Variants in CRIM1 observed in about 807,000 individuals in gnomAD.
The protein encoded by CRIM1 is cysteine-rich motor neuron 1 protein.
In CRIM1, 32 loss-of-function variants were observed where a neutral mutation model predicts 116.4. The ratio of observed to expected loss-of-function variants is 0.27; its 90% CI spans 0.21 to 0.37. The LOEUF is 0.37. Ranked by LOEUF, CRIM1 falls within the 10% of genes least tolerant of loss-of-function variation. The probability of loss-of-function intolerance (pLI) is 1.00; values close to 1 mark genes in which losing one functional copy is unlikely to be tolerated. For missense variants in CRIM1, 1,331 were observed against 1,354.8 expected (o/e 0.98, Z 0.28); for synonymous variants, 590 against 509.2 (o/e 1.16, Z -2.13).
intron 13 of CRIM1, among the ~76,000 whole-genome samples, chr2:36,531,141 A>C (rs882842): frequency 0.044 from 6,769 of 152,270 alleles, 255 homozygotes; most frequent in African/African-American, 0.11. Context: ...CAGGACTCTA[A>C]ATAGTACGCA....
At chr2:36,481,993 G>A (rs922889206) in intron 7 of CRIM1, among the ~76,000 whole-genome samples, 8 of 152,152 alleles carry the variant, frequency 5.3e-5, no homozygotes, top group African/African-American at 7.2e-5. Context: ...CTGTCTCCTC[G>A]CAGTTTGAAG....
At chr2:36,548,308 C>T (rs1157703499) in intron 16 of CRIM1, among the ~76,000 whole-genome samples, 1 of 143,748 alleles carries the variant, frequency 7.0e-6, no homozygotes, top group African/African-American at 2.6e-5. Flanking sequence ...CCCTATTTGA[C>T]AGTTTCTTGA....
chr2:36,411,517 C>T (rs374978310), intron 2 of CRIM1, among the ~76,000 whole-genome samples: 4 of 151,980 alleles, frequency 2.6e-5, no homozygotes, highest in Admixed American at 1.3e-4. Context: ...CTTTATGTGC[C>T]GGAAGAACAT....
intron 8 of CRIM1, among the ~76,000 whole-genome samples, chr2:36,506,146 C>CAA (rs1681377913): frequency 1.8e-5 from 2 of 110,108 alleles, no homozygotes; most frequent in South Asian, 6.7e-4. Context: ...CACACACACA[C>CAA]ACACACACAC....
At chr2:36,464,692 T>C in intron 5 of CRIM1, 37 bp downstream of exon 5, 1 of 1,606,884 alleles carries the variant, frequency 6.2e-7, no homozygotes, top group African/African-American at 1.3e-5. Flanking sequence ...AGAGTGTACA[T>C]TTGTGCAGAG....
chr2:36,384,777 G>A (rs1207473036), intron 1 of CRIM1, among the ~76,000 whole-genome samples: 1 of 152,102 alleles, frequency 6.6e-6, no homozygotes, highest in African/African-American at 2.4e-5. Context: ...AGTGGATCAG[G>A]CCCTGTGTTG....
intron 8 of CRIM1, among the ~76,000 whole-genome samples, chr2:36,504,104 C>A (rs772244200): frequency 6.6e-6 from 1 of 152,064 alleles, no homozygotes; most frequent in Non-Finnish European, 1.5e-5. Context: ...GAACTCCTGG[C>A]GTCAAGCAAT....
Position 36,417,421 on chromosome 2 carries a change from T to A in CRIM1, c.505+20634T>A, listed in dbSNP as rs528409258. On this transcript the variant is annotated intron_variant, in intron 2 of 16. Transcript: ENST00000280527. ...AATTTAACAAAGCTAAGGTGGTTCATGGCAGTATTTGGGGCCTGAAATATG... is the reference window on the plus strand; with the variant it reads ...AATTTAACAAAGCTAAGGTGGTTCAAGGCAGTATTTGGGGCCTGAAATATG... Among the ~76,000 whole-genome samples the A allele has an allele frequency of 2.6e-5, 4 of 152,360 alleles. No individual in the cohort carries two copies. The South Asian group carries it at 8.3e-4, about 32-fold the overall frequency.
rs190315224 is a variant in CRIM1 at position 36,442,578 on chromosome 2, T to A, written c.749-37T>A. ...TAGGGACTCCAAAAGCAAGTAAATA[T>A]AACAATAAACGGTGCCTCTCTGTTT... On this transcript the variant is annotated intron_variant, in intron 3 of 16. Coordinates refer to ENST00000280527, the MANE Select transcript of CRIM1 (RefSeq NM_016441.3). 1.7e-5 allele frequency: 27 copies of A among 1,613,026 alleles called. No homozygotes were observed. The African/African-American group carries it at 2.9e-4, about 18-fold the overall frequency.
chr2:36,484,288 A>G (rs1679648156), intron 7 of CRIM1, among the ~76,000 whole-genome samples: 1 of 152,144 alleles, frequency 6.6e-6, no homozygotes, highest in South Asian at 2.1e-4. Flanking sequence ...TTACACGGGC[A>G]AGGATTTTTT....
At chr2:36,370,848 A>T (rs1295721910) in intron 1 of CRIM1, among the ~76,000 whole-genome samples, 1 of 152,198 alleles carries the variant, frequency 6.6e-6, no homozygotes, top group African/African-American at 2.4e-5. Context: ...TAATCTTAGT[A>T]TAATAAGCAT....
At chr2:36,456,501 A>G (rs1476142985) in intron 4 of CRIM1, among the ~76,000 whole-genome samples, 2 of 151,996 alleles carry the variant, frequency 1.3e-5, no homozygotes, top group Non-Finnish European at 2.9e-5. Context: ...TCCTTTTCCA[A>G]ACTAGTCCTT....
chr2:36,498,763 A>T (rs1680779166), intron 7 of CRIM1, among the ~76,000 whole-genome samples: 1 of 152,190 alleles, frequency 6.6e-6, no homozygotes, highest in Admixed American at 6.5e-5. Context: ...CTGATTTATT[A>T]ATTTGGAAAA....
rs1470944550 is a variant in CRIM1 at position 36,495,841 on chromosome 2, A to G, written c.1373-3378A>G. ...AGCAAACTCTCAAATATGTTTAACA[A>G]TAATGTGAGATTTTTTTCTAGATAA... On this transcript the variant is annotated intron_variant, in intron 7 of 16. Transcript: ENST00000280527. Among the ~76,000 whole-genome samples, 8 of 152,270 alleles carry G rather than the reference A, an allele frequency of 5.3e-5. No homozygotes were observed. The East Asian group carries it at 1.2e-3, about 22-fold the overall frequency.
intron 12 of CRIM1, among the ~76,000 whole-genome samples, chr2:36,519,235 G>A (rs1220137891): frequency 6.6e-6 from 1 of 152,168 alleles, no homozygotes; most frequent in Non-Finnish European, 1.5e-5. Context: ...AAGAGAAGGA[G>A]AGCTATGTGG....
intron 6 of CRIM1, among the ~76,000 whole-genome samples, chr2:36,477,408 T>C (rs1679067276): frequency 6.6e-6 from 1 of 152,194 alleles, no homozygotes; most frequent in African/African-American, 2.4e-5. Flanking sequence ...CACCCTGGCA[T>C]TAGAGCTCAC....
intron 4 of CRIM1, among the ~76,000 whole-genome samples, chr2:36,457,745 T>C (rs1677254252): frequency 6.6e-6 from 1 of 151,908 alleles, no homozygotes; most frequent in Non-Finnish European, 1.5e-5. Flanking sequence ...GGATATTTTA[T>C]TTGCAGCCTT....
chr2:36,485,667 G>T (rs1162337674), intron 7 of CRIM1, among the ~76,000 whole-genome samples: 1 of 152,108 alleles, frequency 6.6e-6, no homozygotes, highest in African/African-American at 2.4e-5. Context: ...TTTGTGGCAC[G>T]GAGTCAAACA....
At position 36,441,461 on chromosome 2, in the gene CRIM1, A is replaced by G. The variant is rs1175472365; in HGVS notation, c.709A>G (p.Lys237Glu). The G allele has an allele frequency of 6.2e-7, 1 of 1,613,270 alleles. No homozygotes were observed. The highest frequency in any genetic ancestry group is 1.7e-5 in the Admixed American group (1 of 60,020). The change falls in exon 3 of 17, where the codon AAG becomes GAG. Residue 237 changes from lysine to glutamate, a missense_variant. Coordinates refer to ENST00000280527, the MANE Select transcript of CRIM1 (RefSeq NM_016441.3). ...LNILVSKASG[K>E]PGECCDLYEC... ...CATACTAGTGTCAAAAGCCTCAGGG[A>G]AGCCGGGAGAGTGCTGTGACCTCTA...
Sources: allele counts gnomAD v4.1 joint callset (sites outside exome capture counted in the v4.1 genomes callset), GRCh38; gene constraint gnomAD v4.1.1; transcripts MANE v1.5; gene names NCBI Gene and HGNC (gene_info 2026-07-23, HGNC 2026-07-21).